SND1: variants seen among roughly 807,000 people sequenced by gnomAD.
The protein encoded by SND1 is staphylococcal nuclease and tudor domain containing 1.
In SND1, 38 loss-of-function variants were observed where a neutral mutation model predicts 121.7. The observed-to-expected ratio is 0.31, with a 90% CI of 0.24 to 0.41. The LOEUF is 0.41. Among genes scored for constraint, SND1 ranks in the 10% least tolerant of loss-of-function variants. SND1 has a pLI of 1.00. For synonymous variants in SND1, 401 were observed against 447.4 expected (o/e 0.90, Z 1.31); for missense variants, 868 against 1,184.6 (o/e 0.73, Z 3.92).
rs148379469 is a variant in SND1, at chr7:127,981,527, GT to G, written c.1670-9410del. ...AAAGGCCTCGTTAATCAGTGAGAGGGTTTTTTTTTTCTCCCCTTAAAAATCA... is the reference window on the plus strand; with the variant it reads ...AAAGGCCTCGTTAATCAGTGAGAGGGTTTTTTTTTCTCCCCTTAAAAATCA... On this transcript the variant is annotated intron_variant, in intron 15 of 23. Coordinates refer to ENST00000354725, the MANE Select transcript of SND1 (RefSeq NM_014390.4). Among the ~76,000 whole-genome samples the G allele has an allele frequency of 2.6e-3, 385 of 149,690 alleles. 1 individual carries two copies. The highest frequency in any genetic ancestry group is 8.7e-3 in the African/African-American group (354 of 40,870).
chr7:127,852,743 G>A (rs550361687), intron 12 of SND1, among the ~76,000 whole-genome samples: 10 of 151,894 alleles, frequency 6.6e-5, no homozygotes, highest in African/African-American at 2.2e-4. Flanking sequence ...CCCAGGAGGC[G>A]GAGGTTGCAG....
At chr7:127,922,993 A>T (rs1189397000) in intron 14 of SND1, among the ~76,000 whole-genome samples, 1 of 152,042 alleles carries the variant, frequency 6.6e-6, no homozygotes, top group East Asian at 1.9e-4. Context: ...ACACTTAATG[A>T]TTTTCCATTT....
chr7:127,692,189 G>A (rs1490674580), intron 2 of SND1, among the ~76,000 whole-genome samples: 1 of 152,160 alleles, frequency 6.6e-6, no homozygotes, highest in Non-Finnish European at 1.5e-5. Context: ...GTAGTTTTAA[G>A]AGTCTATCTG....
At chr7:127,928,730 A>G (rs1186456356) in intron 14 of SND1, among the ~76,000 whole-genome samples, 2 of 152,134 alleles carry the variant, frequency 1.3e-5, no homozygotes, top group Non-Finnish European at 2.9e-5. Context: ...CTGGGATTAC[A>G]GGCATGTGCC....
chr7:127,746,396 G>A (rs1315534232), intron 10 of SND1, among the ~76,000 whole-genome samples: 2 of 152,140 alleles, frequency 1.3e-5, no homozygotes, highest in Admixed American at 6.6e-5. Flanking sequence ...CCTAGCTCAT[G>A]TGTCCTTACA....
At chr7:127,815,961 T>C (rs1466513542) in intron 11 of SND1, among the ~76,000 whole-genome samples, 3 of 152,200 alleles carry the variant, frequency 2.0e-5, no homozygotes, top group Non-Finnish European at 4.4e-5. Context: ...CCTTTATTTG[T>C]GTTTATTCTT....
intron 16 of SND1, among the ~76,000 whole-genome samples, chr7:128,054,414 G>A (rs1055920679): frequency 3.9e-5 from 6 of 152,206 alleles, no homozygotes; most frequent in African/African-American, 1.4e-4. Flanking sequence ...GGCAGAAGGG[G>A]AATCTGGAAA....
intron 16 of SND1, among the ~76,000 whole-genome samples, chr7:128,010,583 A>T (rs558927643): frequency 6.6e-6 from 1 of 152,292 alleles, no homozygotes; most frequent in South Asian, 2.1e-4. Context: ...AGCACCAGAG[A>T]CACCATGAGC....
intron 10 of SND1, among the ~76,000 whole-genome samples, chr7:127,768,696 C>G (rs1174951154): frequency 1.3e-5 from 2 of 152,084 alleles, no homozygotes; most frequent in African/African-American, 4.8e-5. Flanking sequence ...ATTTAAATAT[C>G]AGAATGACAA....
rs955496068 is a variant in SND1 at position 127,711,871 on chromosome 7, T to C, written c.1038+4224T>C. 6.6e-5 allele frequency among the ~76,000 whole-genome samples: 10 copies of C among 152,138 alleles called. No individual in the cohort carries two copies. The East Asian group carries it at 1.9e-3, about 29-fold the overall frequency. On this transcript the variant is annotated intron_variant, in intron 9 of 23. Transcript: ENST00000354725. ...TTTTTGTTCTCTGCATGTTTCTCTT[T>C]TACTATTTTAAAAAATAAAGTTTTA...
intron 13 of SND1, among the ~76,000 whole-genome samples, chr7:127,890,050 G>A (rs1799981554): frequency 6.6e-6 from 1 of 152,096 alleles, no homozygotes; most frequent in African/African-American, 2.4e-5. Flanking sequence ...ACCCAGCAGT[G>A]TGATTGCTGG....
At chr7:127,946,188 T>C (rs141823255) in intron 15 of SND1, among the ~76,000 whole-genome samples, 4,332 of 152,278 alleles carry the variant, frequency 0.028, 186 homozygotes, top group Admixed American at 0.12. Flanking sequence ...ATTTGTTTTA[T>C]TGTCCCCAGA....
chr7:128,074,469 C>T (rs747972483), intron 16 of SND1, 33 bp from the exon 17 acceptor site: 10 of 1,580,530 alleles, frequency 6.3e-6, no homozygotes, highest in Non-Finnish European at 7.8e-6. Flanking sequence ...CAGGCCTGGC[C>T]CCCACAGGCT....
chr7:127,676,926 G>C (rs895752962), intron 1 of SND1, among the ~76,000 whole-genome samples: 1 of 152,158 alleles, frequency 6.6e-6, no homozygotes, highest in African/African-American at 2.4e-5. Context: ...ATTTTTAGTA[G>C]AGATGGGGTT....
intron 10 of SND1, among the ~76,000 whole-genome samples, chr7:127,742,248 C>T (rs1796894568): frequency 6.6e-6 from 1 of 152,172 alleles, no homozygotes; most frequent in Admixed American, 6.5e-5. Flanking sequence ...AGATGTGTCT[C>T]TGGCTGATGT....
intron 10 of SND1, among the ~76,000 whole-genome samples, chr7:127,795,596 T>G (rs1238833890): frequency 6.6e-6 from 1 of 152,120 alleles, no homozygotes; most frequent in Admixed American, 6.6e-5. Flanking sequence ...GAGGGTGTGT[T>G]TTTTCAAGAT....
intron 1 of SND1, among the ~76,000 whole-genome samples, chr7:127,663,705 C>G (rs565090111): frequency 2.0e-5 from 3 of 152,220 alleles, no homozygotes; most frequent in South Asian, 2.1e-4. Flanking sequence ...GTTGCCGGCC[C>G]CGCCAACCCC....
chr7:127,925,383 A>G (rs774491661), intron 14 of SND1, among the ~76,000 whole-genome samples: 2 of 152,336 alleles, frequency 1.3e-5, no homozygotes, highest in East Asian at 1.9e-4. Context: ...TCTCAAAGCT[A>G]TGAGCCAACA....
chr7:127,986,587 A>G (rs1437881761), intron 15 of SND1, among the ~76,000 whole-genome samples: 1 of 152,122 alleles, frequency 6.6e-6, no homozygotes, highest in African/African-American at 2.4e-5. Flanking sequence ...ACTTGATTTT[A>G]TTTCCTTTTG....
Sources: gnomAD v4.1 joint callset for allele counts (sites outside exome capture counted in the v4.1 genomes callset) on GRCh38, gnomAD v4.1.1 for gene constraint, MANE v1.5 for transcripts, NCBI Gene and HGNC (gene_info 2026-07-23, HGNC 2026-07-21) for gene names.